The following PALM2AKAP2 variants were observed in gnomAD, a reference collection of about 807,000 sequenced individuals.
PALM2AKAP2 encodes PALM2 and AKAP2 fusion.
A neutral mutation model predicts 71.5 loss-of-function variants in PALM2AKAP2; 37 were observed. The observed-to-expected ratio is 0.52, with a 90% confidence interval of 0.40 to 0.68. The LOEUF (loss-of-function observed/expected upper bound fraction) is 0.68. Among genes scored for constraint, PALM2AKAP2 ranks in the 30% least tolerant of loss-of-function variants. The pLI is 0.00. For missense variants in PALM2AKAP2, 1,224 were observed against 1,191.8 expected, an observed-to-expected ratio of 1.03 and a Z score of -0.40; for synonymous variants, 468 against 478.8, an observed-to-expected ratio of 0.98 and a Z score of 0.29.
At chr9:109,659,987 T>C (rs895511020) in intron 1 of PALM2AKAP2, among the ~76,000 whole-genome samples, 2 of 152,024 alleles carry the variant, frequency 1.3e-5, no homozygotes, top group Admixed American at 1.3e-4. Flanking sequence ...ACTACAGGCA[T>C]GCACTACTGC....
At chr9:109,668,982 T>C (rs1310717327) in intron 1 of PALM2AKAP2, among the ~76,000 whole-genome samples, 3 of 152,194 alleles carry the variant, frequency 2.0e-5, no homozygotes, top group Non-Finnish European at 4.4e-5. Flanking sequence ...TAAAATTCTA[T>C]GGGGTGGAAA....
intron 6 of PALM2AKAP2, among the ~76,000 whole-genome samples, chr9:109,949,883 G>A (rs1222719904): frequency 6.6e-6 from 1 of 152,168 alleles, no homozygotes; most frequent in Non-Finnish European, 1.5e-5. Flanking sequence ...CCACATTTGA[G>A]GTTAAGGGAC....
chr9:109,705,917 A>G (rs1411883050), intron 1 of PALM2AKAP2, among the ~76,000 whole-genome samples: 1 of 152,194 alleles, frequency 6.6e-6, no homozygotes, highest in Non-Finnish European at 1.5e-5. Context: ...AAGAACAGCA[A>G]TTATGTCACT....
chr9:109,656,361 C>A (rs151194365), intron 1 of PALM2AKAP2, among the ~76,000 whole-genome samples: 3 of 152,280 alleles, frequency 2.0e-5, no homozygotes, highest in African/African-American at 7.2e-5. Flanking sequence ...GTTTATGCAA[C>A]TTTGAAGGCC....
intron 1 of PALM2AKAP2, among the ~76,000 whole-genome samples, chr9:110,135,470 G>A (rs559093837): frequency 6.6e-6 from 1 of 151,626 alleles, no homozygotes; most frequent in Non-Finnish European, 1.5e-5. Context: ...CTGGAGGAGA[G>A]GTACCATTGG....
At chr9:110,059,092 G>T (rs915737284) in intron 1 of PALM2AKAP2, among the ~76,000 whole-genome samples, 2 of 151,962 alleles carry the variant, frequency 1.3e-5, no homozygotes, top group African/African-American at 4.8e-5. Context: ...TAGAGACAGG[G>T]TTTCACCATG....
intron 7 of PALM2AKAP2, chr9:110,024,872 A>G: frequency 1.2e-6 from 1 of 868,664 alleles, no homozygotes; most frequent in South Asian, 1.4e-5. Context: ...TTTATTTTTT[A>G]AACACCTATT....
intron 1 of PALM2AKAP2, among the ~76,000 whole-genome samples, chr9:109,688,463 A>G (rs890446504): frequency 2.0e-5 from 3 of 152,234 alleles, no homozygotes; most frequent in Non-Finnish European, 4.4e-5. Flanking sequence ...GGTTATTGTC[A>G]AGGACTTTAG....
At chr9:110,108,634 C>T (rs17732696) in intron 1 of PALM2AKAP2, among the ~76,000 whole-genome samples, 8,828 of 152,096 alleles carry the variant, frequency 0.058, 327 homozygotes, top group Middle Eastern at 0.11. Context: ...TTTCAAAAAT[C>T]GTGACCCATA....
At chr9:109,898,757 C>T (rs1415803880) in intron 3 of PALM2AKAP2, among the ~76,000 whole-genome samples, 5 of 152,218 alleles carry the variant, frequency 3.3e-5, no homozygotes, top group Non-Finnish European at 5.9e-5. Flanking sequence ...CCTTCCTCCT[C>T]CCCCATATTT....
chr9:109,680,707 T>C (rs566643099), intron 1 of PALM2AKAP2, among the ~76,000 whole-genome samples: 5 of 152,324 alleles, frequency 3.3e-5, no homozygotes, highest in African/African-American at 1.2e-4. Flanking sequence ...GAATAACTAA[T>C]TTAAAAGCTG....
chr9:110,104,365 G>A (rs1835067941), intron 1 of PALM2AKAP2, among the ~76,000 whole-genome samples: 2 of 151,830 alleles, frequency 1.3e-5, no homozygotes, highest in South Asian at 2.1e-4. Flanking sequence ...CTTACTGGAA[G>A]CTACTGTAAG....
chr9:109,948,061 G>T (rs1384677340), intron 6 of PALM2AKAP2, among the ~76,000 whole-genome samples: 1 of 152,134 alleles, frequency 6.6e-6, no homozygotes, highest in Non-Finnish European at 1.5e-5. Flanking sequence ...TTTGATTCCT[G>T]CTACCACCAG....
intron 5 of PALM2AKAP2, among the ~76,000 whole-genome samples, chr9:109,930,796 T>C (rs1412711727): frequency 6.6e-6 from 1 of 152,120 alleles, no homozygotes; most frequent in African/African-American, 2.4e-5. Flanking sequence ...GCAGAGGCTA[T>C]TGAACAGATT....
At chr9:110,148,738 A>C (rs934268938) in intron 2 of PALM2AKAP2, 1 of 152,188 alleles carries the variant, frequency 6.6e-6, no homozygotes, top group Admixed American at 6.5e-5. Context: ...TTGGTTTTTA[A>C]ATACGAGTGG....
intron 1 of PALM2AKAP2, among the ~76,000 whole-genome samples, chr9:110,094,180 T>C (rs944759151): frequency 6.6e-6 from 1 of 152,246 alleles, no homozygotes; most frequent in African/African-American, 2.4e-5. Flanking sequence ...TAGTCTTATC[T>C]TCACCACTAG....
chr9:109,882,709 C>A lies in PALM2AKAP2; in HGVS notation c.257+2028C>A, dbSNP rs1829880501. On this transcript the variant is annotated intron_variant, in intron 3 of 9. Coordinates refer to the PALM2AKAP2 transcript ENST00000302798. Reference sequence around the variant, plus strand: ...CCAGGCTGGACTGCAGTGGTGCGATCATAGCTCACTGCAGCGTCAAACTTC... The same window carrying A: ...CCAGGCTGGACTGCAGTGGTGCGATAATAGCTCACTGCAGCGTCAAACTTC... Among the ~76,000 whole-genome samples, 3 of 151,968 alleles carry A rather than the reference C, an allele frequency of 2.0e-5. No homozygotes were observed. The South Asian group carries it at 6.2e-4, about 32-fold the overall frequency.
intron 1 of PALM2AKAP2, among the ~76,000 whole-genome samples, chr9:109,837,887 T>C (rs920730979): frequency 6.6e-6 from 1 of 152,104 alleles, no homozygotes; most frequent in Non-Finnish European, 1.5e-5. Flanking sequence ...AACAAGTCCT[T>C]AGAGACCTAC....
At chr9:110,073,771 G>A (rs1160323293) in intron 1 of PALM2AKAP2, among the ~76,000 whole-genome samples, 2 of 152,118 alleles carry the variant, frequency 1.3e-5, no homozygotes, top group Non-Finnish European at 2.9e-5. Context: ...TTGTTTCAGG[G>A]ATACTATAGT....
Sources: allele counts gnomAD v4.1 joint callset (sites outside exome capture counted in the v4.1 genomes callset), GRCh38; gene constraint gnomAD v4.1.1; transcripts MANE v1.5; gene names NCBI Gene and HGNC (gene_info 2026-07-23, HGNC 2026-07-21).